SENP6: variants seen among roughly 807,000 people sequenced by gnomAD.
SENP6 encodes the protein SUMO specific peptidase 6, also known as sentrin-specific protease 6.
In SENP6, 41 loss-of-function variants were observed where a neutral mutation model predicts 134.5. That is an observed-to-expected ratio of 0.30 (90% CI 0.24 to 0.40). SENP6 has a LOEUF of 0.40. Ranked by LOEUF, SENP6 falls within the 10% of genes least tolerant of loss-of-function variation. The pLI, the probability that SENP6 is intolerant of heterozygous loss-of-function variation, is 1.00. For synonymous variants in SENP6, 395 were observed against 429.8 expected (o/e 0.92, Z 1.00); for missense variants, 1,248 against 1,312.5 (o/e 0.95, Z 0.76).
intron 3 of SENP6, 126 bp from the exon 4 acceptor site, chr6:75,633,455 A>G (rs1769266461): frequency 6.7e-6 from 5 of 747,708 alleles, no homozygotes; most frequent in Non-Finnish European, 1.0e-5. Context: ...AATCCATGCC[A>G]ATGCTATCCA....
At position 75,698,049 on chromosome 6, in the gene SENP6, TAA is replaced by T. The variant is rs1196859193; in HGVS notation, c.2288+535_2288+536del. 2.6e-5 allele frequency: 4 copies of T among 152,298 alleles called. No homozygotes were observed. In the East Asian group the frequency reaches 7.7e-4, roughly 29 times the overall value. The allele number at this position is 152,298 out of a possible 1,614,324, so 9.4% of individuals were successfully genotyped here. A position where few individuals can be genotyped will look rare whatever the true frequency, so the allele number is the denominator to read the frequency against. ...ATAGTAGTATTTTACAATGGAGACT[TAA>T]AAGTTTTTTGTGTTTTATTCTTTCG... On this transcript the variant is annotated intron_variant, in intron 18 of 23. Coordinates refer to ENST00000447266, the MANE Select transcript of SENP6 (RefSeq NM_015571.4).
chr6:75,633,497 A>G (rs1394662527), intron 3 of SENP6, 84 bp from the exon 4 acceptor site: 11 of 1,156,998 alleles, frequency 9.5e-6, no homozygotes, highest in South Asian at 1.6e-5. Context: ...TGTTTTTACT[A>G]CTTTTAAATG....
intron 7 of SENP6, among the ~76,000 whole-genome samples, chr6:75,651,287 A>G (rs1770841552): frequency 6.6e-6 from 1 of 152,046 alleles, no homozygotes; most frequent in Non-Finnish European, 1.5e-5. Context: ...TATATTCTTC[A>G]TGTAATTACA....
chr6:75,614,835 T>C (rs950154273), intron 1 of SENP6, among the ~76,000 whole-genome samples: 5 of 152,190 alleles, frequency 3.3e-5, no homozygotes, highest in African/African-American at 9.7e-5. Context: ...TGGGGAGTTA[T>C]TCCTGTTTCA....
intron 1 of SENP6, among the ~76,000 whole-genome samples, chr6:75,613,114 T>TAA (rs71002750): frequency 4.7e-4 from 69 of 145,590 alleles, no homozygotes; most frequent in African/African-American, 1.5e-3. Context: ...ATTCTGTCTT[T>TAA]AAAAAAAAAA....
rs1766680188 is a variant in SENP6 at position 75,602,302 on chromosome 6, GGCCGCGGGCCTCGC to G, written c.-222_-209del. The G allele has an allele frequency of 2.2e-6, 1 of 459,842 alleles. No individual in the cohort carries two copies. Among genetic ancestry groups the G allele is most frequent in the Non-Finnish European group, 3.8e-6 (1 of 262,864 alleles). The allele number at this position is 459,842 out of a possible 1,614,324, so 28.5% of individuals were successfully genotyped here. ...CCCCCGGAGAGGCCTGAGAAGCTCG[GGCCGCGGGCCTCGC>G]TGCCCGCCAGCCCGCGGACAGGCCC... is the stretch of plus-strand genomic sequence containing the variant. On this transcript the variant is annotated 5_prime_UTR_variant, in exon 1 of 24. Coordinates refer to ENST00000447266, the MANE Select transcript of SENP6 (RefSeq NM_015571.4).
rs71561435 is a variant in SENP6, at chr6:75,616,048, C to T, written c.53-5484C>T. On this transcript the variant is annotated intron_variant, in intron 1 of 23. Transcript: ENST00000447266. ...TTAATCTCTCTTCTACTATTATCTC[C>T]TCTCTGGTTCTTTTTGTTCTTATGG... Among the ~76,000 whole-genome samples, 455 of 152,182 alleles carry T rather than the reference C, an allele frequency of 3.0e-3. 1 individual carries two copies. The highest frequency in any genetic ancestry group is 5.0e-3 in the Non-Finnish European group (337 of 68,000).
At chr6:75,663,832 G>GT (rs1771975870) in intron 9 of SENP6, among the ~76,000 whole-genome samples, 2 of 128,870 alleles carry the variant, frequency 1.6e-5, no homozygotes, top group Non-Finnish European at 3.3e-5. Flanking sequence ...GGGGGGGGGG[G>GT]TGCCTAAAAT....
chr6:75,690,066 C>A (rs910936155), intron 16 of SENP6, among the ~76,000 whole-genome samples: 1 of 152,168 alleles, frequency 6.6e-6, no homozygotes, highest in African/African-American at 2.4e-5. Context: ...TGCACACCGT[C>A]ACACCCTGCT....
At chr6:75,705,924 C>CTTTTTTTTTGTTTTTTTTTTTTTTTT (rs1562073188) in intron 19 of SENP6, among the ~76,000 whole-genome samples, 1 of 89,280 alleles carries the variant, frequency 1.1e-5, no homozygotes, top group Non-Finnish European at 2.2e-5. Flanking sequence ...TATTTTTGAG[C>CTTTTTTTTTGTTTTTTTTTTTTTTTT]CTTTTTTTTT....
intron 5 of SENP6, among the ~76,000 whole-genome samples, chr6:75,636,994 C>G (rs1769573339): frequency 6.6e-6 from 1 of 151,908 alleles, no homozygotes; most frequent in South Asian, 2.1e-4. Flanking sequence ...AATCCTTCCA[C>G]TTCAGCCTCC....
chr6:75,604,839 G>A (rs1766910692), intron 1 of SENP6, among the ~76,000 whole-genome samples: 1 of 152,122 alleles, frequency 6.6e-6, no homozygotes, highest in Admixed American at 6.6e-5. Context: ...TTGGGAGGCC[G>A]AGATGAACGG....
At chr6:75,714,040 A>C (rs1452100084) in intron 23 of SENP6, among the ~76,000 whole-genome samples, 3 of 152,198 alleles carry the variant, frequency 2.0e-5, no homozygotes, top group Non-Finnish European at 4.4e-5. Flanking sequence ...TGTTGAGCTC[A>C]TTCTATCACT....
At chr6:75,608,597 TGAG>T (rs2149817803) in intron 1 of SENP6, among the ~76,000 whole-genome samples, 1 of 152,302 alleles carries the variant, frequency 6.6e-6, no homozygotes, top group East Asian at 1.9e-4. Context: ...AGAAATGCAT[TGAG>T]AATATGAACT....
chr6:75,628,336 A>G (rs543774528), intron 3 of SENP6, among the ~76,000 whole-genome samples: 1 of 152,216 alleles, frequency 6.6e-6, no homozygotes, highest in Non-Finnish European at 1.5e-5. Context: ...ATTAAGTAGA[A>G]CTCCTGCTAC....
At chr6:75,714,493 C>G (rs1562083125) in intron 23 of SENP6, among the ~76,000 whole-genome samples, 2 of 152,202 alleles carry the variant, frequency 1.3e-5, no homozygotes. Flanking sequence ...ATACCAATCT[C>G]TAACAGATTC....
chr6:75,678,323 T>C (rs529536572), intron 14 of SENP6: 4 of 322,590 alleles, frequency 1.2e-5, no homozygotes, highest in Non-Finnish European at 2.2e-5. Context: ...TTCATGTAGA[T>C]AGTAGAGAGA....
chr6:75,690,693 T>C (rs1774175091), intron 16 of SENP6, among the ~76,000 whole-genome samples: 1 of 131,836 alleles, frequency 7.6e-6, no homozygotes, highest in South Asian at 2.4e-4. Context: ...GGTTTTTTTG[T>C]TTTTTGTTTT....
intron 11 of SENP6, among the ~76,000 whole-genome samples, chr6:75,672,125 G>C (rs1433828165): frequency 1.3e-5 from 2 of 152,158 alleles, no homozygotes; most frequent in Non-Finnish European, 2.9e-5. Context: ...ACTGCAGACT[G>C]TCTTTCCTGG....
Sources: allele counts gnomAD v4.1 joint callset (sites outside exome capture counted in the v4.1 genomes callset), GRCh38; gene constraint gnomAD v4.1.1; transcripts MANE v1.5; gene names NCBI Gene and HGNC (gene_info 2026-07-23, HGNC 2026-07-21).